Variants in FNDC3B observed in about 807,000 individuals in gnomAD.
FNDC3B encodes the protein fibronectin type III domain-containing protein 3B.
In FNDC3B, 12 loss-of-function variants were observed where a neutral mutation model predicts 151.5. The ratio of observed to expected loss-of-function variants is 0.08; its 90% CI spans 0.05 to 0.13. The LOEUF is 0.13. Ranked by LOEUF, FNDC3B falls within the 10% of genes least tolerant of loss-of-function variation. The pLI, the probability that FNDC3B is intolerant of heterozygous loss-of-function variation, is 1.00. For missense variants in FNDC3B, 1,214 were observed against 1,505.3 expected, an observed-to-expected ratio of 0.81 and a Z score of 3.20; for synonymous variants, 528 against 549.0, an observed-to-expected ratio of 0.96 and a Z score of 0.54.
chr3:172,363,493 T>C (rs1734462873), intron 23 of FNDC3B, among the ~76,000 whole-genome samples: 1 of 152,040 alleles, frequency 6.6e-6, no homozygotes, highest in Non-Finnish European at 1.5e-5. Context: ...TAATCCAATG[T>C]CAAGCAAAAG....
At chr3:172,257,693 A>G (rs1728428351) in intron 6 of FNDC3B, among the ~76,000 whole-genome samples, 1 of 152,106 alleles carries the variant, frequency 6.6e-6, no homozygotes, top group Admixed American at 6.6e-5. Flanking sequence ...AGGCTTTCCC[A>G]GGGATCCAGC....
At position 172,141,782 on chromosome 3, in the gene FNDC3B, T is replaced by C. The variant is rs796879401; in HGVS notation, c.187+8236T>C. ...AGGAGGATCACTTGAACCTGGGAGATGGAGGTTGCAGTGAGCTGAGATCGT... is the reference window on the plus strand; with the variant it reads ...AGGAGGATCACTTGAACCTGGGAGACGGAGGTTGCAGTGAGCTGAGATCGT... On this transcript the variant is annotated intron_variant, in intron 3 of 25. Coordinates refer to ENST00000415807, the MANE Select transcript of FNDC3B (RefSeq NM_022763.4). Among the ~76,000 whole-genome samples, 49 of 151,964 alleles carry C rather than the reference T, an allele frequency of 3.2e-4. 1 individual carries two copies. The highest frequency in any genetic ancestry group is 1.1e-3 in the African/African-American group (45 of 41,430).
intron 3 of FNDC3B, among the ~76,000 whole-genome samples, chr3:172,224,847 A>G (rs1034899580): frequency 1.3e-5 from 2 of 152,208 alleles, no homozygotes; most frequent in Non-Finnish European, 2.9e-5. Context: ...CAGACTAGAA[A>G]CACATAGTTT....
At chr3:172,250,332 C>T (rs1264679537) in intron 5 of FNDC3B, among the ~76,000 whole-genome samples, 1 of 152,148 alleles carries the variant, frequency 6.6e-6, no homozygotes. Flanking sequence ...TCAGAGATGG[C>T]TTTTCTTTAT....
intron 4 of FNDC3B, among the ~76,000 whole-genome samples, chr3:172,230,991 A>C (rs982208001): frequency 8.5e-5 from 13 of 152,230 alleles, no homozygotes; most frequent in African/African-American, 3.1e-4. Context: ...TGACCACACA[A>C]ACACTTGTAC....
intron 11 of FNDC3B, chr3:172,317,063 C>A: frequency 2.4e-6 from 1 of 410,082 alleles, no homozygotes; most frequent in Non-Finnish European, 4.8e-6. Context: ...AACAAACTCA[C>A]TCCTGTCAAA....
At chr3:172,072,385 A>G (rs2108488293) in intron 1 of FNDC3B, among the ~76,000 whole-genome samples, 1 of 151,950 alleles carries the variant, frequency 6.6e-6, no homozygotes, top group Non-Finnish European at 1.5e-5. Context: ...GGCTATCAGT[A>G]TCTTGACCTC....
At chr3:172,390,062 T>C (rs1340062298) in intron 25 of FNDC3B, among the ~76,000 whole-genome samples, 1 of 152,206 alleles carries the variant, frequency 6.6e-6, no homozygotes, top group Non-Finnish European at 1.5e-5. Flanking sequence ...ATCTACTCTT[T>C]GAGTATTTGA....
chr3:172,151,478 T>C lies in FNDC3B; in HGVS notation c.187+17932T>C, dbSNP rs144408775. Among the ~76,000 whole-genome samples the C allele has an allele frequency of 6.5e-3, 989 of 152,286 alleles. 8 individuals are homozygous for C. Among genetic ancestry groups the C allele is most frequent in the African/African-American group, 0.023 (950 of 41,552 alleles). ...CCCACTCCCCCAACCTCTTTTTTTT[T>C]CCTACAGTGTTAACCAAGAGAGATA... On this transcript the variant is annotated intron_variant, in intron 3 of 25. Transcript: ENST00000415807.
At chr3:172,227,102 T>C in intron 4 of FNDC3B, 155 bp downstream of exon 4, 1 of 581,910 alleles carries the variant, frequency 1.7e-6, no homozygotes, top group Non-Finnish European at 3.2e-6. Context: ...GCGTTTCTTG[T>C]GTCTTGCCAC....
At chr3:172,137,018 T>C (rs1721405091) in intron 3 of FNDC3B, among the ~76,000 whole-genome samples, 1 of 152,290 alleles carries the variant, frequency 6.6e-6, no homozygotes, top group South Asian at 2.1e-4. Context: ...TTTTCTAAAT[T>C]GAGGGGAAGG....
chr3:172,127,033 T>C (rs1399634620), intron 2 of FNDC3B: 1 of 456,726 alleles, frequency 2.2e-6, no homozygotes, highest in Admixed American at 2.3e-5. Flanking sequence ...CCCAAATGTT[T>C]ACCAAAGAGA....
At chr3:172,116,318 G>A (rs1378819089) in intron 2 of FNDC3B, among the ~76,000 whole-genome samples, 1 of 152,038 alleles carries the variant, frequency 6.6e-6, no homozygotes, top group Non-Finnish European at 1.5e-5. Flanking sequence ...TACAATCATT[G>A]GAATCTGGTA....
intron 1 of FNDC3B, among the ~76,000 whole-genome samples, chr3:172,049,738 G>A (rs1716550584): frequency 6.6e-6 from 1 of 152,094 alleles, no homozygotes; most frequent in Non-Finnish European, 1.5e-5. Context: ...TGTTGGTCAG[G>A]CTGGTTTCAA....
chr3:172,131,806 A>G (rs952651686), intron 2 of FNDC3B, among the ~76,000 whole-genome samples: 2 of 152,228 alleles, frequency 1.3e-5, no homozygotes, highest in African/African-American at 4.8e-5. Flanking sequence ...TATACAGTAA[A>G]TAAAGTTGAC....
intron 3 of FNDC3B, among the ~76,000 whole-genome samples, chr3:172,198,577 C>T (rs1724971079): frequency 6.6e-6 from 1 of 152,160 alleles, no homozygotes. Context: ...CCTCTCAGTG[C>T]ATCTTTCCCT....
chr3:172,108,250 T>G (rs1259161412), intron 1 of FNDC3B, among the ~76,000 whole-genome samples: 1 of 152,112 alleles, frequency 6.6e-6, no homozygotes, highest in East Asian at 1.9e-4. Flanking sequence ...AACATCCTCA[T>G]CCATCACCTT....
intron 22 of FNDC3B, among the ~76,000 whole-genome samples, chr3:172,353,967 A>AG (rs1733973797): frequency 6.6e-6 from 1 of 151,860 alleles, no homozygotes; most frequent in East Asian, 1.9e-4. Context: ...TTGGGGAAAA[A>AG]AAAAAAACTT....
intron 9 of FNDC3B, among the ~76,000 whole-genome samples, chr3:172,299,846 T>C (rs1180318820): frequency 6.6e-6 from 1 of 152,212 alleles, no homozygotes; most frequent in Admixed American, 6.5e-5. Context: ...CTGTTTTAAC[T>C]TTGGTCAATT....
Sources: allele counts gnomAD v4.1 joint callset (sites outside exome capture counted in the v4.1 genomes callset), GRCh38; gene constraint gnomAD v4.1.1; transcripts MANE v1.5; gene names NCBI Gene and HGNC (gene_info 2026-07-23, HGNC 2026-07-21).